Variants in TXNDC16 observed in about 807,000 individuals in gnomAD.
TXNDC16 encodes thioredoxin domain-containing protein 16.
TXNDC16 carries 74 observed loss-of-function variants against 85.6 expected under a neutral mutation model. The observed-to-expected ratio is 0.86, with a 90% confidence interval of 0.72 to 1.05. The LOEUF is 1.05. Among genes scored for constraint, TXNDC16 ranks in the 50% least tolerant of loss-of-function variants. The pLI, the probability that TXNDC16 is intolerant of heterozygous loss-of-function variation, is 0.00. For synonymous variants in TXNDC16, 335 were observed against 326.5 expected (o/e 1.03, Z -0.28); for missense variants, 959 against 947.0 (o/e 1.01, Z -0.17).
chr14:52,536,569 G>T, intron 6 of TXNDC16, 150 bp downstream of exon 6: 1 of 740,374 alleles, frequency 1.4e-6, no homozygotes, highest in Non-Finnish European at 2.1e-6. Flanking sequence ...GATCCTCGAT[G>T]TGGGAAGATA....
intron 4 of TXNDC16, among the ~76,000 whole-genome samples, chr14:52,540,044 G>T (rs191212559): frequency 6.6e-6 from 1 of 151,994 alleles, no homozygotes; most frequent in Non-Finnish European, 1.5e-5. Context: ...CACTATTTCC[G>T]AATTCAATCT....
rs2034913544 is a variant in TXNDC16 at position 52,432,168 on chromosome 14, T to C, written c.*136A>G. 1.4e-6 allele frequency: 1 copy of C among 738,022 alleles called. No individual in the cohort carries two copies. Among genetic ancestry groups the C allele is most frequent in the Non-Finnish European group, 2.0e-6 (1 of 512,694 alleles). The allele number at this position is 738,022 out of a possible 1,614,324, so 45.7% of individuals were successfully genotyped here. On this transcript the variant is annotated 3_prime_UTR_variant, in exon 21 of 21. Coordinates refer to ENST00000281741, the MANE Select transcript of TXNDC16 (RefSeq NM_020784.3). The stretch of plus-strand genomic sequence containing the variant: ...AATGTAGTTACTAGAAAATTTTAAA[T>C]AAAATATGTGACTTATATTATAATT...
intron 16 of TXNDC16, among the ~76,000 whole-genome samples, chr14:52,461,928 T>A (rs73304883): frequency 0.034 from 5,137 of 152,318 alleles, 259 homozygotes; most frequent in African/African-American, 0.12. Flanking sequence ...TTATAGAAAA[T>A]TAGCAGTTTT....
intron 14 of TXNDC16, among the ~76,000 whole-genome samples, chr14:52,475,752 C>T (rs1259861116): frequency 6.6e-6 from 1 of 152,136 alleles, no homozygotes; most frequent in African/African-American, 2.4e-5. Flanking sequence ...TAACTGAAGA[C>T]AAAGGGCATA....
chr14:52,445,298 A>C (rs1302867441), intron 18 of TXNDC16, among the ~76,000 whole-genome samples: 1 of 152,160 alleles, frequency 6.6e-6, no homozygotes, highest in Non-Finnish European at 1.5e-5. Flanking sequence ...ATATCAATTC[A>C]ATGATTTGAT....
intron 6 of TXNDC16, among the ~76,000 whole-genome samples, chr14:52,530,647 C>T (rs1437531783): frequency 9.6e-6 from 1 of 104,434 alleles, no homozygotes; most frequent in Non-Finnish European, 1.9e-5. Flanking sequence ...ATAAAAAATA[C>T]CTAGGTATAT....
At chr14:52,532,059 C>G (rs1594760154) in intron 6 of TXNDC16, among the ~76,000 whole-genome samples, 1 of 152,050 alleles carries the variant, frequency 6.6e-6, no homozygotes, top group African/African-American at 2.4e-5. Flanking sequence ...GGTAGTACAA[C>G]TTAAAATCCA....
At chr14:52,456,331 T>C (rs965796799) in intron 17 of TXNDC16, among the ~76,000 whole-genome samples, 1 of 152,142 alleles carries the variant, frequency 6.6e-6, no homozygotes, top group Non-Finnish European at 1.5e-5. Context: ...TAGAAGATCA[T>C]GGGTGATTAC....
intron 9 of TXNDC16, among the ~76,000 whole-genome samples, chr14:52,491,494 G>A (rs1202608488): frequency 6.6e-6 from 1 of 151,314 alleles, no homozygotes; most frequent in African/African-American, 2.4e-5. Flanking sequence ...CATCGTGCCT[G>A]GCCCCCTATA....
chr14:52,463,086 A>T (rs956186121), intron 16 of TXNDC16: 10 of 424,954 alleles, frequency 2.4e-5, no homozygotes, highest in Non-Finnish European at 4.6e-5. Context: ...TTTCTGTCTG[A>T]TTCAGACATC....
chr14:52,471,676 C>T (rs2140133400), intron 14 of TXNDC16, among the ~76,000 whole-genome samples: 1 of 152,118 alleles, frequency 6.6e-6, no homozygotes, highest in South Asian at 2.1e-4. Flanking sequence ...TTTTCCAGCA[C>T]CTGCAGTACC....
At chr14:52,531,905 T>C (rs2037590311) in intron 6 of TXNDC16, among the ~76,000 whole-genome samples, 2 of 152,138 alleles carry the variant, frequency 1.3e-5, no homozygotes, top group South Asian at 2.1e-4. Flanking sequence ...GGAGGAGATA[T>C]ACTGGGATTT....
chr14:52,491,044 A>G, intron 9 of TXNDC16, 39 bp from the exon 10 acceptor site: 1 of 1,549,168 alleles, frequency 6.5e-7, no homozygotes, highest in Non-Finnish European at 8.7e-7. Context: ...TGTGATAACA[A>G]TATTCCAACA....
intron 16 of TXNDC16, among the ~76,000 whole-genome samples, chr14:52,469,117 T>C (rs1056292643): frequency 6.6e-6 from 1 of 151,720 alleles, no homozygotes; most frequent in Non-Finnish European, 1.5e-5. Context: ...CAGGCCAAGA[T>C]GGGTGGATCA....
At chr14:52,444,171 C>G (rs1417717872) in intron 18 of TXNDC16, among the ~76,000 whole-genome samples, 1 of 152,050 alleles carries the variant, frequency 6.6e-6, no homozygotes, top group Non-Finnish European at 1.5e-5. Context: ...AAGAGGTCAT[C>G]AAATGTGGTA....
At chr14:52,507,901 T>C (rs529839418) in intron 9 of TXNDC16, among the ~76,000 whole-genome samples, 2,553 of 152,294 alleles carry the variant, frequency 0.017, 20 homozygotes, top group Middle Eastern at 0.034. Context: ...TTATACCTTA[T>C]ACAAAAATTA....
At chr14:52,452,282 C>T (rs1207193552) in intron 18 of TXNDC16, among the ~76,000 whole-genome samples, 2 of 151,978 alleles carry the variant, frequency 1.3e-5, no homozygotes, top group Admixed American at 1.3e-4. Flanking sequence ...TTAATGCAAG[C>T]CCTATCAAAA....
At chr14:52,528,898 T>TTA (rs879745822) in intron 6 of TXNDC16, among the ~76,000 whole-genome samples, 1 of 147,546 alleles carries the variant, frequency 6.8e-6, no homozygotes, top group African/African-American at 2.5e-5. Flanking sequence ...ATAATACCTA[T>TTA]TATATATATT....
rs1322214638 is a variant in TXNDC16 at position 52,537,665 on chromosome 14, C to T, written c.251G>A (p.Cys84Tyr). Residue 84 changes from cysteine (C) to tyrosine (Y), a missense_variant, in exon 5 of 21, where the codon TGT becomes TAT. Transcript: ENST00000281741. ...GTATCTTGATATTTCTTCTTTGACACAATTAACCTTTAAAAGAGTATACTT... is the reference window on the plus strand; with the variant it reads ...GTATCTTGATATTTCTTCTTTGACATAATTAACCTTTAAAAGAGTATACTT... The part of the protein sequence containing the change: ...DYGISVAKVN[C>Y]VKEEISRYCG... 1.9e-6 allele frequency: 3 copies of T among 1,570,626 alleles called. No homozygotes were observed. The highest frequency in any genetic ancestry group is 2.6e-6 in the Non-Finnish European group (3 of 1,143,594).
Sources: allele counts gnomAD v4.1 joint callset (sites outside exome capture counted in the v4.1 genomes callset), GRCh38; gene constraint gnomAD v4.1.1; transcripts MANE v1.5; gene names NCBI Gene and HGNC (gene_info 2026-07-23, HGNC 2026-07-21).